The following PTPRN2 variants were observed in gnomAD, a reference collection of about 807,000 sequenced individuals.
The protein encoded by PTPRN2 is receptor-type tyrosine-protein phosphatase N2.
Under a neutral mutation model 118.8 loss-of-function variants are expected in PTPRN2, and 74 were observed. That is an observed-to-expected ratio of 0.62 (90% CI 0.52 to 0.76). The LOEUF (loss-of-function observed/expected upper bound fraction) is 0.76. PTPRN2 is among the 30% of genes least tolerant of loss of function. The pLI is 0.00. For missense variants in PTPRN2, 1,481 were observed against 1,394.4 expected (o/e 1.06, Z -0.99); for synonymous variants, 641 against 608.0 (o/e 1.05, Z -0.80).
chr7:158,257,608 G>A (rs756465867), intron 3 of PTPRN2, among the ~76,000 whole-genome samples: 11 of 152,174 alleles, frequency 7.2e-5, no homozygotes, highest in Non-Finnish European at 1.3e-4. Flanking sequence ...GTGCAGCAGC[G>A]AGAAATGTCT....
In PTPRN2 at chr7:158,273,460, G is replaced by A. The variant is rs1297456430; in HGVS notation, c.277+43359C>T. ...GACAGACGCGGGAGGAGCCGCAGAC[G>A]CAGGGGGAGCCGCAGGCACAGGGGG... On this transcript the variant is annotated intron_variant, in intron 3 of 22. Transcript: ENST00000389418. Among the ~76,000 whole-genome samples the A allele has an allele frequency of 2.7e-3, 169 of 62,188 alleles. 6 individuals are homozygous for A. Among genetic ancestry groups the A allele is most frequent in the African/African-American group, 7.7e-3 (86 of 11,224 alleles). 40.8% of individuals were successfully genotyped at this position (62,188 alleles called of 152,430 possible).
intron 6 of PTPRN2, among the ~76,000 whole-genome samples, chr7:158,165,670 T>G (rs991644259): frequency 6.6e-6 from 1 of 152,254 alleles, no homozygotes; most frequent in Non-Finnish European, 1.5e-5. Context: ...GCTCAGGCAA[T>G]GTTTGTGAAA....
chr7:158,196,786 C>T (rs987255592), intron 4 of PTPRN2, among the ~76,000 whole-genome samples: 5 of 152,172 alleles, frequency 3.3e-5, no homozygotes, highest in African/African-American at 9.6e-5. Flanking sequence ...GGCCAGAAGA[C>T]GATGGAAAAC....
At chr7:158,423,826 G>A (rs1485860656) in intron 2 of PTPRN2, among the ~76,000 whole-genome samples, 1 of 152,000 alleles carries the variant, frequency 6.6e-6, no homozygotes, top group East Asian at 1.9e-4. Flanking sequence ...TTTTCTAGAT[G>A]AGGAAAGAGA....
chr7:158,561,223 G>C (rs192628685), intron 1 of PTPRN2, among the ~76,000 whole-genome samples: 1 of 152,314 alleles, frequency 6.6e-6, no homozygotes, highest in East Asian at 1.9e-4. Flanking sequence ...GATTCTAGAA[G>C]TAATAACCCC....
At chr7:157,547,917 C>T (rs1485842850) in intron 22 of PTPRN2, among the ~76,000 whole-genome samples, 3 of 151,278 alleles carry the variant, frequency 2.0e-5, no homozygotes, top group Non-Finnish European at 2.9e-5. Context: ...CCGCCCTGGG[C>T]GTGTCCTGCT....
intron 2 of PTPRN2, among the ~76,000 whole-genome samples, chr7:158,324,497 A>T (rs879593604): frequency 8.4e-5 from 3 of 35,644 alleles, no homozygotes; most frequent in Non-Finnish European, 5.8e-4. Flanking sequence ...CTGGGGACCA[A>T]AAAGGCTGGT....
At position 157,813,743 on chromosome 7, in the gene PTPRN2, G is replaced by C. The variant is rs995022987; in HGVS notation, c.1788+84930C>G. ...GCCCCGAGTGCTCCAGCTGCCCTGC[G>C]TGTGGCTGTCTACACAGCACGCATT... On this transcript the variant is annotated intron_variant, in intron 12 of 22. Coordinates refer to ENST00000389418, the MANE Select transcript of PTPRN2 (RefSeq NM_002847.5). This position sits in a 1 kb window ranked among gnomAD's most constrained non-coding sequence, Gnocchi z 4.7. Among the ~76,000 whole-genome samples, 65 of 152,186 alleles carry C rather than the reference G, an allele frequency of 4.3e-4. No individual in the cohort carries two copies. Among genetic ancestry groups the C allele is most frequent in the African/African-American group, 1.6e-3 (65 of 41,442 alleles).
At chr7:158,534,957 G>T (rs1394689314) in intron 1 of PTPRN2, among the ~76,000 whole-genome samples, 2 of 152,176 alleles carry the variant, frequency 1.3e-5, no homozygotes, top group African/African-American at 4.8e-5. Context: ...AGGCGTTTCA[G>T]TGTTCCCCAG....
At chr7:157,950,348 C>T (rs574929947) in intron 11 of PTPRN2, among the ~76,000 whole-genome samples, 34 of 152,076 alleles carry the variant, frequency 2.2e-4, no homozygotes, top group Admixed American at 4.6e-4. Context: ...CTGCTGGTCC[C>T]GTCCTGCTCT....
At chr7:158,551,062 C>T (rs559800467) in intron 1 of PTPRN2, among the ~76,000 whole-genome samples, 2 of 152,350 alleles carry the variant, frequency 1.3e-5, no homozygotes, top group East Asian at 3.9e-4. Context: ...GAGGCATCCG[C>T]ACCAGCTGCT....
intron 11 of PTPRN2, among the ~76,000 whole-genome samples, chr7:157,989,333 C>T (rs1804063162): frequency 6.6e-6 from 1 of 152,136 alleles, no homozygotes; most frequent in South Asian, 2.1e-4. Context: ...GTGGGAGGAT[C>T]GCCTGAGCCC....
At chr7:158,013,129 G>A (rs1377273092) in intron 11 of PTPRN2, among the ~76,000 whole-genome samples, 1 of 152,180 alleles carries the variant, frequency 6.6e-6, no homozygotes, top group Non-Finnish European at 1.5e-5. Context: ...CCATAAAGGA[G>A]AAAAGTTAAT....
chr7:158,442,978 A>G (rs10260982), intron 2 of PTPRN2, among the ~76,000 whole-genome samples: 14,870 of 151,602 alleles, frequency 0.098, 789 homozygotes, highest in African/African-American at 0.12. Context: ...AATCTAGAGC[A>G]TAGTCTTTGG....
chr7:158,157,530 C>G (rs956932190), intron 6 of PTPRN2, among the ~76,000 whole-genome samples: 2 of 152,176 alleles, frequency 1.3e-5, no homozygotes, highest in African/African-American at 4.8e-5. Flanking sequence ...GTGCAGAAGT[C>G]GGGGAGCCTC....
intron 11 of PTPRN2, among the ~76,000 whole-genome samples, chr7:157,969,966 G>A (rs1343961768): frequency 2.6e-5 from 4 of 152,050 alleles, no homozygotes; most frequent in Non-Finnish European, 5.9e-5. Context: ...GAAGGTGCAG[G>A]GACTTAACAC....
At chr7:158,489,622 G>C (rs1586788023) in intron 2 of PTPRN2, 113 bp downstream of exon 2, 1 of 1,117,968 alleles carries the variant, frequency 8.9e-7, no homozygotes, top group East Asian at 3.0e-5. Context: ...TCGGCAGCGC[G>C]CCCCGGGCGG....
rs181363478 is a variant in PTPRN2 at position 157,785,101 on chromosome 7, G to A, written c.1789-102164C>T. Among the ~76,000 whole-genome samples, 7 of 152,220 alleles carry A rather than the reference G, an allele frequency of 4.6e-5. No individual in the cohort carries two copies. In the East Asian group the frequency reaches 1.2e-3, roughly 25 times the overall value. On this transcript the variant is annotated intron_variant, in intron 12 of 22. Coordinates refer to ENST00000389418, the MANE Select transcript of PTPRN2 (RefSeq NM_002847.5). The surrounding 1 kb of genome is among the most constrained non-coding windows in gnomAD (Gnocchi z 7.3). ...AGGAGTTGAACAAAGCTGTGTGTGT[G>A]TTTCCAGAATGTTGGCACAGCGGCG... is the stretch of plus-strand genomic sequence containing the variant.
At chr7:157,559,078 G>A (rs1435940584) in intron 21 of PTPRN2, among the ~76,000 whole-genome samples, 1 of 152,254 alleles carries the variant, frequency 6.6e-6, no homozygotes, top group African/African-American at 2.4e-5. Flanking sequence ...CAGTTGCTGT[G>A]CATTTGGAAG....
Sources: allele counts gnomAD v4.1 joint callset (sites outside exome capture counted in the v4.1 genomes callset), GRCh38; gene constraint gnomAD v4.1.1; non-coding constraint Gnocchi (gnomAD v3.1); transcripts MANE v1.5; gene names NCBI Gene and HGNC (gene_info 2026-07-23, HGNC 2026-07-21).